The following DNAH10 variants were observed in gnomAD, a reference collection of about 807,000 sequenced individuals.
DNAH10 encodes the protein dynein axonemal heavy chain 10.
Under a neutral mutation model 506.6 loss-of-function variants are expected in DNAH10, and 348 were observed. That is an observed-to-expected ratio of 0.69 (90% CI 0.63 to 0.75). The LOEUF (loss-of-function observed/expected upper bound fraction) is 0.75, where lower values mean the gene tolerates loss of function less well. Ranked by LOEUF, DNAH10 falls within the 30% of genes least tolerant of loss-of-function variation. The probability of loss-of-function intolerance (pLI) is 0.00; values close to 1 mark genes in which losing one functional copy is unlikely to be tolerated. For synonymous variants in DNAH10, 2,059 were observed against 2,198.6 expected (o/e 0.94, Z 1.78); for missense variants, 5,179 against 5,787.1 (o/e 0.89, Z 3.41).
In DNAH10 at chr12:123,928,499, T is replaced by C; in HGVS notation, c.12218T>C (p.Ile4073Thr). ...LKDLEKSLER[I>T]TKPHPDFRLW... ...GATCTGGAGAAGTCCCTGGAGAGGATCACCAAGCCCCACCCAGACTTCCGC... is the reference window on the plus strand; with the variant it reads ...GATCTGGAGAAGTCCCTGGAGAGGACCACCAAGCCCCACCCAGACTTCCGC... Residue 4073 changes from isoleucine (I) to threonine (T), a missense_variant, in exon 70 of 79, where the codon ATC becomes ACC. Physicochemically the swap from Ile to Thr is moderately conservative, Grantham distance 89. This residue lies in a region of DNAH10 where 4,844 missense variants were observed against 5,430.5 expected (regional missense o/e 0.89). Transcript: ENST00000673944. The surrounding 1 kb of genome is among the most constrained non-coding windows in gnomAD (Gnocchi z 4.9). The C allele has an allele frequency of 2.5e-6, 4 of 1,611,448 alleles. No homozygotes were observed. The highest frequency in any genetic ancestry group is 3.4e-6 in the Non-Finnish European group (4 of 1,178,940).
At chr12:123,912,623 G>T (rs896928754) in intron 59 of DNAH10, among the ~76,000 whole-genome samples, 2 of 152,126 alleles carry the variant, frequency 1.3e-5, no homozygotes, top group African/African-American at 4.8e-5. Context: ...ACGTCCCCTG[G>T]GGGACAAAAC....
rs962381411 is a variant in DNAH10, at chr12:123,796,956, C to A, written c.2163+124C>A. ...CGCAATCTCGGCTCACTGCAACCTCCGCCTCCCAGGTTCAAGCGATTCTCT... is the reference window on the plus strand; with the variant it reads ...CGCAATCTCGGCTCACTGCAACCTCAGCCTCCCAGGTTCAAGCGATTCTCT... On this transcript the variant is annotated intron_variant, in intron 13 of 78. Transcript: ENST00000673944. 8 of 816,754 alleles carry A rather than the reference C, an allele frequency of 9.8e-6. 1 individual carries two copies. The highest frequency in any genetic ancestry group is 1.4e-5 in the Non-Finnish European group (8 of 561,552). 50.6% of individuals were successfully genotyped at this position (816,754 alleles called of 1,614,324 possible). A position where few individuals can be genotyped will look rare whatever the true frequency, so the allele number is the denominator to read the frequency against.
intron 53 of DNAH10, among the ~76,000 whole-genome samples, chr12:123,893,761 G>A (rs1198298072): frequency 1.3e-5 from 2 of 152,174 alleles, no homozygotes; most frequent in South Asian, 2.1e-4. Context: ...TTCCTAATGG[G>A]CGGGGCAGGG....
In DNAH10 at chr12:123,762,372, C is replaced by T; in HGVS notation, c.36C>T (p.Arg12=). ...DDLRVLWMRD[R]VYAAFGITDP... ...TGCGGGTGCTGTGGATGCGCGACCG[C>T]GTGTATGCGGCTTTCGGCATCACCG... The change falls in exon 1 of 79, where the codon CGC becomes CGT. Residue 12 remains arginine (R), a synonymous_variant. Coordinates refer to ENST00000673944, the MANE Select transcript of DNAH10 (RefSeq NM_001372106.1). This position sits in a 1 kb window ranked among gnomAD's most constrained non-coding sequence, Gnocchi z 5.0. 2.2e-6 allele frequency: 3 copies of T among 1,373,298 alleles called. No individual in the cohort carries two copies. Among genetic ancestry groups the T allele is most frequent in the Non-Finnish European group, 2.8e-6 (3 of 1,059,772 alleles). 85.1% of individuals were successfully genotyped at this position (1,373,298 alleles called of 1,614,324 possible). A position where few individuals can be genotyped will look rare whatever the true frequency, so the allele number is the denominator to read the frequency against.
Position 123,853,940 on chromosome 12 carries a change from GCACACA to G in DNAH10, c.6438+597_6438+602del, listed in dbSNP as rs912242569. ...TACGCACACGCACGCACACGCACACGCACACACACACACATTTGGGTAGTAAAAAAA... is the reference window on the plus strand; with the variant it reads ...TACGCACACGCACGCACACGCACACGCACACACATTTGGGTAGTAAAAAAA... On this transcript the variant is annotated intron_variant, in intron 36 of 78. Coordinates refer to ENST00000673944, the MANE Select transcript of DNAH10 (RefSeq NM_001372106.1). This position sits in a 1 kb window ranked among gnomAD's most constrained non-coding sequence, Gnocchi z 4.7. 1.3e-5 allele frequency among the ~76,000 whole-genome samples: 2 copies of G among 149,358 alleles called. No homozygotes were observed. The highest frequency in any genetic ancestry group is 6.7e-5 in the Admixed American group (1 of 14,972).
intron 12 of DNAH10, 125 bp from the exon 13 acceptor site, chr12:123,796,531 C>A: frequency 2.5e-6 from 2 of 797,022 alleles, no homozygotes; most frequent in South Asian, 2.0e-5. Flanking sequence ...AGTGAAAACA[C>A]TATTCTGCAT....
At chr12:123,897,001 C>T (rs895446090) in intron 54 of DNAH10, among the ~76,000 whole-genome samples, 2 of 152,122 alleles carry the variant, frequency 1.3e-5, no homozygotes, top group African/African-American at 4.8e-5. Context: ...ACACGAACTC[C>T]CCATCGCCCC....
chr12:123,917,864 C>T lies in DNAH10; in HGVS notation c.11232+51C>T, dbSNP rs1345741297. 3.3e-6 allele frequency: 5 copies of T among 1,523,650 alleles called. No homozygotes were observed. Among genetic ancestry groups the T allele is most frequent in the South Asian group, 1.2e-5 (1 of 82,922 alleles). The allele number at this position is 1,523,650 out of a possible 1,614,324, so 94.4% of individuals were successfully genotyped here. A position where few individuals can be genotyped will look rare whatever the true frequency, so the allele number is the denominator to read the frequency against. On this transcript the variant is annotated intron_variant, in intron 64 of 78. Coordinates refer to ENST00000673944, the MANE Select transcript of DNAH10 (RefSeq NM_001372106.1). This position sits in a 1 kb window ranked among gnomAD's most constrained non-coding sequence, Gnocchi z 5.6. ...TGAGTCAGGCGGGGCCTGCATGCGC[C>T]GTTGGAGCGTCCATTTCTCTGTCTG...
chr12:123,856,935 AT>A (rs1951416155), intron 36 of DNAH10, 120 bp from the exon 37 acceptor site: 1 of 560,414 alleles, frequency 1.8e-6, no homozygotes, highest in Admixed American at 4.4e-5. Flanking sequence ...AAATAATAAA[AT>A]GTTTATATAA....
chr12:123,903,188 C>A lies in DNAH10; in HGVS notation c.9815+75C>A. On this transcript the variant is annotated intron_variant, in intron 57 of 78. Transcript: ENST00000673944. The surrounding 1 kb of genome is among the most constrained non-coding windows in gnomAD (Gnocchi z 4.6). ...CAGTAGTCTCCATGATCGTGGCAAC[C>A]AGGAGCTTACAAAGGAGCCGATGCC... is the stretch of plus-strand genomic sequence containing the variant. The A allele has an allele frequency of 6.8e-7, 1 of 1,479,070 alleles. No individual in the cohort carries two copies. The highest frequency in any genetic ancestry group is 1.4e-5 in the South Asian group (1 of 73,168). 91.6% of individuals were successfully genotyped at this position (1,479,070 alleles called of 1,614,324 possible).
At chr12:123,858,360 T>C (rs1006617197) in intron 37 of DNAH10, among the ~76,000 whole-genome samples, 6 of 152,154 alleles carry the variant, frequency 3.9e-5, no homozygotes, top group Non-Finnish European at 8.8e-5. Flanking sequence ...GGTGTCAGGC[T>C]ACCCCGGAGA....
chr12:123,806,294 A>G (rs1958671428), intron 18 of DNAH10, among the ~76,000 whole-genome samples: 1 of 152,176 alleles, frequency 6.6e-6, no homozygotes, highest in African/African-American at 2.4e-5. Flanking sequence ...CTCACCTTGC[A>G]CCATGTTCTG....
At chr12:123,837,731 C>T (rs1275591217) in intron 28 of DNAH10, among the ~76,000 whole-genome samples, 2 of 148,840 alleles carry the variant, frequency 1.3e-5, no homozygotes, top group Non-Finnish European at 3.0e-5. Context: ...TGCACCACCA[C>T]ACCCGGCTAA....
chr12:123,916,546 A>G lies in DNAH10; in HGVS notation c.10812A>G (p.Glu3604=), dbSNP rs759669029. Reference sequence around the variant, plus strand: ...CTTTCCTGTTCCGCGATGTTGATGAATACATCGATCCTGTGATTGACAACG... The same window carrying G: ...CTTTCCTGTTCCGCGATGTTGATGAGTACATCGATCCTGTGATTGACAACG... ...GTPFLFRDVD[E]YIDPVIDNVL... Residue 3604 remains glutamate, a synonymous_variant, in exon 63 of 79, where the codon GAA becomes GAG. Transcript: ENST00000673944. This position sits in a 1 kb window ranked among gnomAD's most constrained non-coding sequence, Gnocchi z 4.6. The G allele has an allele frequency of 1.9e-6, 3 of 1,613,914 alleles. No individual in the cohort carries two copies. The highest frequency in any genetic ancestry group is 2.5e-6 in the Non-Finnish European group (3 of 1,179,870).
intron 2 of DNAH10, among the ~76,000 whole-genome samples, chr12:123,769,922 GTTT>G (rs373397275): frequency 2.9e-5 from 4 of 140,002 alleles, no homozygotes; most frequent in Admixed American, 7.2e-5. Context: ...CCTGGCTAAG[GTTT>G]TTTTTTTTTT....
rs957824852 is a variant in DNAH10 at position 123,910,446 on chromosome 12, A to G, written c.9998-90A>G. Reference sequence around the variant, plus strand: ...CATTCTGCTCACAGGGCCACTGAAGAATAAGAAACTAGTTATGCTTATTTT... The same window carrying G: ...CATTCTGCTCACAGGGCCACTGAAGGATAAGAAACTAGTTATGCTTATTTT... On this transcript the variant is annotated intron_variant, in intron 58 of 78. Transcript: ENST00000673944. 8 of 1,507,772 alleles carry G rather than the reference A, an allele frequency of 5.3e-6. No homozygotes were observed. The African/African-American group carries it at 9.7e-5, about 18-fold the overall frequency. The allele number at this position is 1,507,772 out of a possible 1,614,324, so 93.4% of individuals were successfully genotyped here. A position where few individuals can be genotyped will look rare whatever the true frequency, so the allele number is the denominator to read the frequency against.
At chr12:123,906,298 G>A (rs1313320630) in intron 57 of DNAH10, among the ~76,000 whole-genome samples, 1 of 151,796 alleles carries the variant, frequency 6.6e-6, no homozygotes, top group East Asian at 1.9e-4. Context: ...CTGGAGTGCA[G>A]TGGCGCGATC....
intron 18 of DNAH10, among the ~76,000 whole-genome samples, chr12:123,807,356 CAT>C (rs1252170910): frequency 6.6e-6 from 1 of 152,170 alleles, no homozygotes; most frequent in African/African-American, 2.4e-5. Context: ...GGGAAACAGA[CAT>C]AAAAGAGATG....
chr12:123,843,965 C>T (rs1394272710), intron 30 of DNAH10, among the ~76,000 whole-genome samples: 2 of 152,212 alleles, frequency 1.3e-5, no homozygotes, highest in African/African-American at 4.8e-5. Flanking sequence ...CCAGTATTGG[C>T]ATTGTATTAC....
Sources: allele counts gnomAD v4.1 joint callset (sites outside exome capture counted in the v4.1 genomes callset), GRCh38; gene constraint gnomAD v4.1.1; regional missense constraint gnomAD v4.1.1; non-coding constraint Gnocchi (gnomAD v3.1); transcripts MANE v1.5; gene names NCBI Gene and HGNC (gene_info 2026-07-23, HGNC 2026-07-21).